Variants in SCAF11 observed in about 807,000 individuals in gnomAD.
SCAF11 encodes SR-related CTD associated factor 11, also known as protein SCAF11.
SCAF11 carries 47 observed loss-of-function variants against 140.5 expected under a neutral mutation model. That is an observed-to-expected ratio of 0.33 (90% CI 0.26 to 0.43). The LOEUF (loss-of-function observed/expected upper bound fraction) is 0.43, where lower values mean the gene tolerates loss of function less well. Among genes scored for constraint, SCAF11 ranks in the 20% least tolerant of loss-of-function variants. The pLI is 1.00. For synonymous variants in SCAF11, 557 were observed against 579.4 expected, an observed-to-expected ratio of 0.96 and a Z score of 0.55; for missense variants, 1,645 against 1,705.1, an observed-to-expected ratio of 0.96 and a Z score of 0.62.
upstream of SCAF11, chr12:45,990,632 T>A (rs1049467983): frequency 1.9e-5 from 22 of 1,171,826 alleles, no homozygotes; most frequent in Non-Finnish European, 2.2e-5. Context: ...CGCGTCTCCC[T>A]CCTCCTCCCT....
intron 1 of SCAF11, 57 bp downstream of exon 1, chr12:45,990,296 C>G (rs1476866613): frequency 1.6e-6 from 2 of 1,231,406 alleles, no homozygotes; most frequent in Non-Finnish European, 2.0e-6. Flanking sequence ...CGCTAACCCT[C>G]GTCTCTCCCA....
intron 10 of SCAF11, 127 bp downstream of exon 10, chr12:45,931,379 G>C: frequency 2.2e-6 from 1 of 461,868 alleles, no homozygotes; most frequent in Non-Finnish European, 3.8e-6. Flanking sequence ...AATATTTATA[G>C]ACGTATTTAC....
intron 13 of SCAF11, 116 bp downstream of exon 13, chr12:45,922,820 T>C (rs1592160237): frequency 2.1e-6 from 2 of 956,812 alleles, no homozygotes; most frequent in Non-Finnish European, 3.2e-6. Context: ...CAAATAATAA[T>C]GGCATTTAGA....
intron 3 of SCAF11, chr12:45,956,252 T>C (rs1178876776): frequency 1.5e-6 from 1 of 684,398 alleles, no homozygotes; most frequent in Non-Finnish European, 2.7e-6. Context: ...TCAATACCTA[T>C]GTTTATAGGT....
chr12:45,979,061 C>A (rs1946295654), intron 1 of SCAF11, among the ~76,000 whole-genome samples: 2 of 150,830 alleles, frequency 1.3e-5, no homozygotes, highest in Non-Finnish European at 3.0e-5. Context: ...GTTACTGCAT[C>A]TTCAAGTATT....
chr12:45,966,683 G>C (rs1332161433), intron 1 of SCAF11, among the ~76,000 whole-genome samples: 2 of 152,066 alleles, frequency 1.3e-5, no homozygotes, highest in Non-Finnish European at 2.9e-5. Flanking sequence ...AAGCATTCTT[G>C]GCAGAGAGAA....
chr12:45,939,630 G>A lies in SCAF11; in HGVS notation c.464-5125C>T, dbSNP rs139819320. On this transcript the variant is annotated intron_variant, in intron 6 of 14. Coordinates refer to ENST00000369367, the MANE Select transcript of SCAF11 (RefSeq NM_004719.3). ...GAAGAATTGTTTGAACCCAGGAGGCGGAGGTTGCAGTGAGCCGAGATCGTG... is the reference window on the plus strand; with the variant it reads ...GAAGAATTGTTTGAACCCAGGAGGCAGAGGTTGCAGTGAGCCGAGATCGTG... 5.2e-3 allele frequency among the ~76,000 whole-genome samples: 799 copies of A among 152,280 alleles called. 12 individuals are homozygous for A. Among genetic ancestry groups the A allele is most frequent in the African/African-American group, 0.018 (743 of 41,544 alleles).
chr12:45,947,827 T>C lies in SCAF11; in HGVS notation c.398+610A>G, dbSNP rs1208707202. 2.0e-5 allele frequency among the ~76,000 whole-genome samples: 3 copies of C among 152,200 alleles called. No individual in the cohort carries two copies. The East Asian group carries it at 5.8e-4, about 29-fold the overall frequency. On this transcript the variant is annotated intron_variant, in intron 5 of 14. Coordinates refer to ENST00000369367, the MANE Select transcript of SCAF11 (RefSeq NM_004719.3). ...AAGTAGCTGGAACTGCAGCCATGTG[T>C]CACCATGCCCGGCTAATCTGTAAAT...
At chr12:45,929,097 A>AT in intron 10 of SCAF11, 4 of 271,638 alleles carry the variant, frequency 1.5e-5, no homozygotes, top group Non-Finnish European at 2.0e-5. Context: ...AATTTTATAG[A>AT]GAAAAAAAAA....
chr12:45,933,681 T>C (rs1684810365), intron 8 of SCAF11, among the ~76,000 whole-genome samples: 1 of 152,176 alleles, frequency 6.6e-6, no homozygotes, highest in African/African-American at 2.4e-5. Context: ...TTTTTCTTGG[T>C]ACCTTGCCAA....
At chr12:45,952,582 TAA>T (rs1945577789) in intron 3 of SCAF11, among the ~76,000 whole-genome samples, 3 of 152,346 alleles carry the variant, frequency 2.0e-5, no homozygotes, top group African/African-American at 2.4e-5. Context: ...ACTATGATTA[TAA>T]GTCAACATTA....
intron 4 of SCAF11, 102 bp downstream of exon 4, chr12:45,951,548 C>T (rs1373799471): frequency 2.6e-5 from 18 of 704,312 alleles, no homozygotes; most frequent in Non-Finnish European, 3.8e-5. Context: ...ACATATTAAA[C>T]CTTAAGTTGA....
intron 4 of SCAF11, among the ~76,000 whole-genome samples, chr12:45,948,926 C>A (rs1945487316): frequency 6.6e-6 from 1 of 151,918 alleles, no homozygotes. Flanking sequence ...GAGGAAAGAA[C>A]AGAGTTGTAA....
chr12:45,939,599 G>A (rs576986416), intron 6 of SCAF11, among the ~76,000 whole-genome samples: 1 of 152,338 alleles, frequency 6.6e-6, no homozygotes, highest in African/African-American at 2.4e-5. Context: ...TTGGGAGGCT[G>A]AGACAGAAGA....
At chr12:45,922,300 T>C (rs11574974) in intron 14 of SCAF11, 106 bp from the exon 15 acceptor site, 27,411 of 1,456,996 alleles carry the variant, frequency 0.019, 287 homozygotes, top group Non-Finnish European at 0.022. Context: ...CCAGACTTAT[T>C]TTCATGTTTC....
intron 1 of SCAF11, among the ~76,000 whole-genome samples, chr12:45,972,849 TATATATATATATATCG>T (rs1946109275): frequency 4.7e-5 from 6 of 128,510 alleles, no homozygotes; most frequent in African/African-American, 1.5e-4. Context: ...TTAAAGCCAG[TATATATATATATATCG>T]ATATATATAT....
At chr12:45,929,411 G>C (rs1298462753) in intron 10 of SCAF11, 1 of 152,256 alleles carries the variant, frequency 6.6e-6, no homozygotes, top group Non-Finnish European at 1.5e-5. Flanking sequence ...GCCTGCCTCG[G>C]CCTCCCAAAC....
intron 10 of SCAF11, 36 bp from the exon 11 acceptor site, chr12:45,928,895 T>C (rs1391807997): frequency 8.2e-7 from 1 of 1,215,436 alleles, no homozygotes; most frequent in South Asian, 2.0e-5. Flanking sequence ...AAGTAAAAAA[T>C]ATGTTTTAAG....
chr12:45,968,803 G>A (rs567275387), intron 1 of SCAF11, among the ~76,000 whole-genome samples: 497 of 152,184 alleles, frequency 3.3e-3, no homozygotes, highest in African/African-American at 0.011. Context: ...TTAGCCGGGC[G>A]TGGTGTAATC....
Sources: gnomAD v4.1 joint callset for allele counts (sites outside exome capture counted in the v4.1 genomes callset) on GRCh38, gnomAD v4.1.1 for gene constraint, MANE v1.5 for transcripts, NCBI Gene and HGNC (gene_info 2026-07-23, HGNC 2026-07-21) for gene names.